Variants in CSNK1D observed in about 807,000 individuals in gnomAD.
The protein encoded by CSNK1D is casein kinase I isoform delta.
In CSNK1D, 16 loss-of-function variants were observed where a neutral mutation model predicts 46.6. The observed-to-expected ratio is 0.34, with a 90% CI of 0.23 to 0.52. The LOEUF is 0.52. CSNK1D is among the 20% of genes least tolerant of loss of function. CSNK1D has a pLI of 0.95. For synonymous variants in CSNK1D, 276 were observed against 228.2 expected (o/e 1.21, Z -1.89); for missense variants, 398 against 578.4 (o/e 0.69, Z 3.20).
chr17:82,251,355 G>C lies in CSNK1D; in HGVS notation c.885+24C>G. 2.5e-6 allele frequency: 4 copies of C among 1,613,802 alleles called. No homozygotes were observed. Among genetic ancestry groups the C allele is most frequent in the Non-Finnish European group, 1.7e-6 (2 of 1,179,860 alleles). ...CCATCCCCCGCACACCACACTCAGC[G>C]AACGTGCTGGCAGTGCGACTTACAA... On this transcript the variant is annotated intron_variant, in intron 6 of 8. Transcript: ENST00000314028. The surrounding 1 kb of genome is among the most constrained non-coding windows in gnomAD (Gnocchi z 4.5).
At position 82,249,516 on chromosome 17, in the gene CSNK1D, G is replaced by C; in HGVS notation, c.972C>G (p.Arg324=). 1 of 1,544,536 alleles carries C rather than the reference G, an allele frequency of 6.5e-7. No individual in the cohort carries two copies. The highest frequency in any genetic ancestry group is 1.4e-5 in the African/African-American group (1 of 73,248). Residue 324 remains arginine (R), a synonymous_variant, in exon 7 of 9, where the codon CGC becomes CGG. Transcript: ENST00000314028. This position sits in a 1 kb window ranked among gnomAD's most constrained non-coding sequence, Gnocchi z 6.7. ...RLRHSRNPAT[R]GLPSTASGRL... ...GGCCGGAGGCTGTGGAAGGGAGGCC[G>C]CGGGTAGCCGGGTTCCGCGAGTGTC... is the stretch of plus-strand genomic sequence containing the variant.
At chr17:82,273,731 CG>C (rs2051706620), upstream of CSNK1D, 1 of 480,550 alleles carries the variant, frequency 2.1e-6, no homozygotes, top group African/African-American at 2.1e-5. This position sits in a 1 kb window ranked among gnomAD's most constrained non-coding sequence, Gnocchi z 5.1. Context: ...CCCGGCGGGG[CG>C]GGGCCGCGGC....
At chr17:82,242,211 C>CG (rs2050750014), downstream of CSNK1D, among the ~76,000 whole-genome samples, 3 of 120,244 alleles carry the variant, frequency 2.5e-5, no homozygotes, top group African/African-American at 3.9e-5. Context: ...GCTGTGTGCT[C>CG]TGGGGGGGGG....
At chr17:82,270,962 C>T (rs1267858087) in intron 1 of CSNK1D, among the ~76,000 whole-genome samples, 1 of 152,196 alleles carries the variant, frequency 6.6e-6, no homozygotes, top group African/African-American at 2.4e-5. Context: ...CCACCCTCCA[C>T]CTCTGGAATT....
chr17:82,271,058 G>A (rs1351269107), intron 1 of CSNK1D, among the ~76,000 whole-genome samples: 2 of 152,200 alleles, frequency 1.3e-5, no homozygotes, highest in African/African-American at 4.8e-5. Flanking sequence ...TCAGAGAACA[G>A]ATAGTTTCAA....
rs2050900155 is a variant in CSNK1D, at chr17:82,248,216, G to T, written c.1197+659C>A. ...TGAAGAAATATAATGGATCCATATGGAGAAAGCTGTTCTAGTTCAAAGAGC... is the reference window on the plus strand; with the variant it reads ...TGAAGAAATATAATGGATCCATATGTAGAAAGCTGTTCTAGTTCAAAGAGC... On this transcript the variant is annotated intron_variant, in intron 8 of 8. Transcript: ENST00000314028. This position sits in a 1 kb window ranked among gnomAD's most constrained non-coding sequence, Gnocchi z 4.1. 1 of 985,756 alleles carries T rather than the reference G, an allele frequency of 1.0e-6. No homozygotes were observed. The highest frequency in any genetic ancestry group is 1.7e-5 in the African/African-American group (1 of 57,366). 61.1% of individuals were successfully genotyped at this position (985,756 alleles called of 1,614,324 possible). A position where few individuals can be genotyped will look rare whatever the true frequency, so the allele number is the denominator to read the frequency against.
rs1483506443 is a variant in CSNK1D, at chr17:82,273,603, C to T, written c.-222G>A. 1.7e-6 allele frequency: 1 copy of T among 580,970 alleles called. No individual in the cohort carries two copies. Among genetic ancestry groups the T allele is most frequent in the Non-Finnish European group, 3.0e-6 (1 of 334,864 alleles). 36.0% of individuals were successfully genotyped at this position (580,970 alleles called of 1,614,324 possible). A position where few individuals can be genotyped will look rare whatever the true frequency, so the allele number is the denominator to read the frequency against. On this transcript the variant is annotated 5_prime_UTR_variant, in exon 1 of 9. Coordinates refer to ENST00000314028, the MANE Select transcript of CSNK1D (RefSeq NM_001893.6). This position sits in a 1 kb window ranked among gnomAD's most constrained non-coding sequence, Gnocchi z 5.1. Reference sequence around the variant, plus strand: ...GCCGCCGCCGCTGCTCCGGCCCCTACCGGTCCCGCTTGCCCTCTCCCCGCC... The same window carrying T: ...GCCGCCGCCGCTGCTCCGGCCCCTATCGGTCCCGCTTGCCCTCTCCCCGCC...
intron 8 of CSNK1D, 159 bp from the exon 9 acceptor site, chr17:82,244,990 G>A: frequency 1.2e-6 from 1 of 859,880 alleles, no homozygotes; most frequent in African/African-American, 1.7e-5. Context: ...GGCCTCTGTG[G>A]CTGGGACACG....
At position 82,273,491 on chromosome 17, in the gene CSNK1D, C is replaced by A; in HGVS notation, c.-110G>T. ...TGCGGGTCCGGCTCCCGGCTCCGCC[C>A]CCCTCACGGCCCCGCTTTCACCATC... On this transcript the variant is annotated 5_prime_UTR_variant, in exon 1 of 9. Transcript: ENST00000314028. The surrounding 1 kb of genome is among the most constrained non-coding windows in gnomAD (Gnocchi z 5.1). 1 of 1,280,782 alleles carries A rather than the reference C, an allele frequency of 7.8e-7. No homozygotes were observed. Among genetic ancestry groups the A allele is most frequent in the Non-Finnish European group, 1.1e-6 (1 of 914,948 alleles). The allele number at this position is 1,280,782 out of a possible 1,614,324, so 79.3% of individuals were successfully genotyped here.
chr17:82,267,841 G>A (rs1008143308), intron 1 of CSNK1D, among the ~76,000 whole-genome samples: 2 of 152,240 alleles, frequency 1.3e-5, no homozygotes, highest in Admixed American at 6.5e-5. Flanking sequence ...GCAGCCCAGT[G>A]ACCCCATGGC....
rs1157439557 is a variant in CSNK1D at position 82,242,694 on chromosome 17, A to T, written c.*2087T>A. 1 of 985,314 alleles carries T rather than the reference A, an allele frequency of 1.0e-6. No homozygotes were observed. Among genetic ancestry groups the T allele is most frequent in the Non-Finnish European group, 1.2e-6 (1 of 829,894 alleles). The allele number at this position is 985,314 out of a possible 1,614,324, so 61.0% of individuals were successfully genotyped here. On this transcript the variant is annotated 3_prime_UTR_variant, in exon 9 of 9. Transcript: ENST00000314028. ...AGGTAGAAGTCATTATGAATTTATT[A>T]TTTACACGATTGTTAAAGTACACAA...
chr17:82,245,687 G>A (rs2050832736), intron 8 of CSNK1D: 5 of 445,868 alleles, frequency 1.1e-5, no homozygotes, highest in African/African-American at 4.0e-5. Flanking sequence ...CCCAGGACAG[G>A]AGGAGAGCAA....
At chr17:82,260,296 A>G (rs111285726) in intron 2 of CSNK1D, among the ~76,000 whole-genome samples, 14,192 of 128,106 alleles carry the variant, frequency 0.11, 2,103 homozygotes, top group African/African-American at 0.34. Flanking sequence ...TGCGACTGAT[A>G]GTGTATTGAC....
intron 1 of CSNK1D, among the ~76,000 whole-genome samples, chr17:82,266,136 C>T (rs970813467): frequency 2.6e-5 from 4 of 152,198 alleles, no homozygotes; most frequent in Admixed American, 6.5e-5. Context: ...TGCACTTGCC[C>T]GCCCCAGACA....
Position 82,249,592 on chromosome 17 carries a change from C to G in CSNK1D, c.896G>C (p.Arg299Pro). 1 of 1,560,058 alleles carries G rather than the reference C, an allele frequency of 6.4e-7. No individual in the cohort carries two copies. The highest frequency in any genetic ancestry group is 8.6e-7 in the Non-Finnish European group (1 of 1,157,278). ...DWNMLKFGASRAADDAERERR... is the reference protein window; with the variant it reads ...DWNMLKFGASPAADDAERERR... ...CTCCCGCTCGGCGTCATCGGCGGCCCGGCTGGCACCCTGAGGAGGCAGGAG... is the reference window on the plus strand; with the variant it reads ...CTCCCGCTCGGCGTCATCGGCGGCCGGGCTGGCACCCTGAGGAGGCAGGAG... Residue 299 changes from arginine to proline, a missense_variant, in exon 7 of 9, where the codon CGG (arginine) becomes CCG (proline). Arg to Pro is a moderately radical substitution (Grantham distance 103, BLOSUM62 -2). Transcript: ENST00000314028. This position sits in a 1 kb window ranked among gnomAD's most constrained non-coding sequence, Gnocchi z 6.7.
chr17:82,272,716 C>T lies in CSNK1D; in HGVS notation c.76+590G>A, dbSNP rs567910385. ...CCCCCGCTCCACACGGCATTTGGGT[C>T]TTTCTGACATTTTCCCCCACGAATG... On this transcript the variant is annotated intron_variant, in intron 1 of 8. Transcript: ENST00000314028. Among the ~76,000 whole-genome samples the T allele has an allele frequency of 3.3e-5, 5 of 152,348 alleles. No individual in the cohort carries two copies. In the South Asian group the frequency reaches 8.3e-4, roughly 25 times the overall value.
At chr17:82,270,406 G>T (rs890792810) in intron 1 of CSNK1D, among the ~76,000 whole-genome samples, 3 of 152,254 alleles carry the variant, frequency 2.0e-5, no homozygotes, top group African/African-American at 7.2e-5. Flanking sequence ...GAACCCAAAA[G>T]CCAAGCTCAA....
rs150681791 is a variant in CSNK1D at position 82,261,097 on chromosome 17, T to C, written c.187+4589A>G. 7.1e-3 allele frequency: 1,093 copies of C among 155,032 alleles called. 23 individuals are homozygous for C. The Middle Eastern group carries it at 0.095, about 13-fold the overall frequency. 9.6% of individuals were successfully genotyped at this position (155,032 alleles called of 1,614,324 possible). ...AGCAGAAATCACCCCTTTTGTTAGC[T>C]GTAAGTAACAATGTACCCCGTCATC... On this transcript the variant is annotated intron_variant, in intron 2 of 8. Transcript: ENST00000314028.
At chr17:82,270,497 C>T (rs116350444) in intron 1 of CSNK1D, among the ~76,000 whole-genome samples, 11 of 152,304 alleles carry the variant, frequency 7.2e-5, no homozygotes, top group Middle Eastern at 3.4e-3. Flanking sequence ...AGAATATACA[C>T]GACACACAGA....
Sources: allele counts gnomAD v4.1 joint callset (sites outside exome capture counted in the v4.1 genomes callset), GRCh38; gene constraint gnomAD v4.1.1; non-coding constraint Gnocchi (gnomAD v3.1); transcripts MANE v1.5; gene names NCBI Gene and HGNC (gene_info 2026-07-23, HGNC 2026-07-21).